The following SHC3 variants were observed in gnomAD, a reference collection of about 807,000 sequenced individuals.
The protein encoded by SHC3 is SHC-transforming protein 3.
In SHC3, 15 loss-of-function variants were observed where a neutral mutation model predicts 60.4. The observed-to-expected ratio is 0.25, with a 90% confidence interval of 0.17 to 0.38. SHC3 has a LOEUF of 0.38. Among genes scored for constraint, SHC3 ranks in the 10% least tolerant of loss-of-function variants. The pLI is 1.00. For missense variants in SHC3, 677 were observed against 786.1 expected (o/e 0.86, Z 1.66); for synonymous variants, 294 against 325.9 (o/e 0.90, Z 1.05).
At chr9:89,126,237 C>T (rs907631260) in intron 1 of SHC3, among the ~76,000 whole-genome samples, 7 of 152,140 alleles carry the variant, frequency 4.6e-5, no homozygotes, top group Admixed American at 2.6e-4. Context: ...TCTCCTAAAA[C>T]AAAGTGGGTT....
intron 4 of SHC3, among the ~76,000 whole-genome samples, chr9:89,074,370 T>C (rs943971843): frequency 4.6e-5 from 7 of 152,134 alleles, no homozygotes. Flanking sequence ...CACACCCCCC[T>C]GGATACTGCT....
At chr9:89,111,255 T>C (rs1825942910) in intron 2 of SHC3, among the ~76,000 whole-genome samples, 1 of 152,232 alleles carries the variant, frequency 6.6e-6, no homozygotes, top group Non-Finnish European at 1.5e-5. Flanking sequence ...CCCAATTGAC[T>C]GTCATTCCTT....
At chr9:89,126,003 T>C (rs886644333) in intron 1 of SHC3, among the ~76,000 whole-genome samples, 2 of 152,178 alleles carry the variant, frequency 1.3e-5, no homozygotes, top group Admixed American at 6.5e-5. Context: ...TCATATTATT[T>C]CTTGTGCGAG....
At position 89,178,298 on chromosome 9, in the gene SHC3, T is replaced by TGCGCAGCGCCTC. The variant is rs1826976790; in HGVS notation, c.151_162dup (p.Glu51_Arg54dup). On this transcript the variant is annotated inframe_insertion, in exon 1 of 12. Coordinates refer to ENST00000375835, the MANE Select transcript of SHC3 (RefSeq NM_016848.6). This position sits in a 1 kb window ranked among gnomAD's most constrained non-coding sequence, Gnocchi z 6.9. Reference sequence around the variant, plus strand: ...CTGCCGGGCCCATCGTCGGGCGCCTTGCGCAGCGCCTCGCCGGACACCAAG... The same window carrying TGCGCAGCGCCTC: ...CTGCCGGGCCCATCGTCGGGCGCCTTGCGCAGCGCCTCGCGCAGCGCCTCGCCGGACACCAAG... 8 of 1,575,978 alleles carry TGCGCAGCGCCTC rather than the reference T, an allele frequency of 5.1e-6. No homozygotes were observed. Among genetic ancestry groups the TGCGCAGCGCCTC allele is most frequent in the African/African-American group, 1.4e-5 (1 of 71,986 alleles).
At position 89,046,837 on chromosome 9, in the gene SHC3, G is replaced by T. The variant is rs374316444; in HGVS notation, c.1113+7C>A. The T allele has an allele frequency of 1.3e-6, 2 of 1,562,992 alleles. No homozygotes were observed. Among genetic ancestry groups the T allele is most frequent in the Non-Finnish European group, 1.7e-6 (2 of 1,158,830 alleles). On this transcript the variant is annotated splice_region_variant and intron_variant, in intron 8 of 11. Coordinates refer to ENST00000375835, the MANE Select transcript of SHC3 (RefSeq NM_016848.6). Reference sequence around the variant, plus strand: ...TCCTTATATAAGAAAAAAACTATAAGACTTACCTGGGCTGTGTCAGGAGCA... The same window carrying T: ...TCCTTATATAAGAAAAAAACTATAATACTTACCTGGGCTGTGTCAGGAGCA...
chr9:89,177,851 A>G, intron 1 of SHC3, 136 bp downstream of exon 1: 1 of 1,102,878 alleles, frequency 9.1e-7, no homozygotes, highest in Non-Finnish European at 1.1e-6. Flanking sequence ...CTGATTGCTA[A>G]GGAGTGCGCA....
At chr9:89,138,706 G>A (rs1826352419) in intron 1 of SHC3, among the ~76,000 whole-genome samples, 1 of 152,128 alleles carries the variant, frequency 6.6e-6, no homozygotes, top group Non-Finnish European at 1.5e-5. Flanking sequence ...AAATGTCTCT[G>A]ACATTTCCCC....
chr9:89,153,083 C>T lies in SHC3; in HGVS notation c.474+24904G>A, dbSNP rs185706476. Reference sequence around the variant, plus strand: ...TGTGATGTGTGTATAAATATGTGCTCGTTGAGCTGATTATTTAAGGTTTTG... The same window carrying T: ...TGTGATGTGTGTATAAATATGTGCTTGTTGAGCTGATTATTTAAGGTTTTG... On this transcript the variant is annotated intron_variant, in intron 1 of 11. Coordinates refer to ENST00000375835, the MANE Select transcript of SHC3 (RefSeq NM_016848.6). Among the ~76,000 whole-genome samples the T allele has an allele frequency of 3.5e-4, 53 of 152,038 alleles. No individual in the cohort carries two copies. In the East Asian group the frequency reaches 8.7e-3, roughly 25 times the overall value.
At chr9:89,124,557 A>G (rs1473563640) in intron 1 of SHC3, among the ~76,000 whole-genome samples, 2 of 152,162 alleles carry the variant, frequency 1.3e-5, no homozygotes, top group Admixed American at 6.6e-5. Context: ...TGAAGCTGGA[A>G]ACCATCATCC....
In SHC3 at chr9:89,013,575, T is replaced by C; in HGVS notation, c.1657A>G (p.Ile553Val). 1.2e-6 allele frequency: 2 copies of C among 1,610,438 alleles called. No individual in the cohort carries two copies. Among genetic ancestry groups the C allele is most frequent in the Non-Finnish European group, 1.7e-6 (2 of 1,178,766 alleles). The change falls in exon 12 of 12, where the codon ATC becomes GTC. Residue 553 changes from isoleucine (I) to valine (V), a missense_variant and splice_region_variant. Transcript: ENST00000375835. Reference sequence around the variant, plus strand: ...TCAAAGACTCTGTCCTTTGTCCGGATCTATGAATGAAGCAAAGGAAAGGTT... The same window carrying C: ...TCAAAGACTCTGTCCTTTGTCCGGACCTATGAATGAAGCAAAGGAAAGGTT... ...HLLLVDPEGTIRTKDRVFDSI... is the reference protein window; with the variant it reads ...HLLLVDPEGTVRTKDRVFDSI...
At chr9:89,136,651 A>C (rs1826324137) in intron 1 of SHC3, among the ~76,000 whole-genome samples, 1 of 152,360 alleles carries the variant, frequency 6.6e-6, no homozygotes, top group East Asian at 1.9e-4. Flanking sequence ...AGAAATGGGC[A>C]ACCAGCAGCC....
Position 89,038,069 on chromosome 9 carries a change from T to A in SHC3, c.1580A>T (p.Asn527Ile). The change falls in exon 11 of 12, where the codon AAC (asparagine) becomes ATC (isoleucine). Residue 527 changes from asparagine to isoleucine, a missense_variant. Asn to Ile is a moderately radical substitution (Grantham distance 149). Coordinates refer to ENST00000375835, the MANE Select transcript of SHC3 (RefSeq NM_016848.6). ...GDFLVRKSTT[N>I]PGSFVLTGMH... ...GCCCGTGAGGACAAAGGAGCCCGGG[T>A]TGGTGGTGCTCTTCCTGACCAGGAA... 2 of 1,613,692 alleles carry A rather than the reference T, an allele frequency of 1.2e-6. No homozygotes were observed. The highest frequency in any genetic ancestry group is 1.7e-6 in the Non-Finnish European group (2 of 1,179,922).
intron 11 of SHC3, among the ~76,000 whole-genome samples, chr9:89,015,738 G>A (rs79087482): frequency 0.034 from 5,102 of 152,284 alleles, 181 homozygotes; most frequent in African/African-American, 0.087. Flanking sequence ...GACAAACTTA[G>A]ACTCCAGACA....
At chr9:89,019,417 T>G (rs1338832718) in intron 11 of SHC3, among the ~76,000 whole-genome samples, 1 of 151,536 alleles carries the variant, frequency 6.6e-6, no homozygotes, top group Non-Finnish European at 1.5e-5. Flanking sequence ...AGTAAGACAG[T>G]AAGATAGAAA....
At chr9:89,091,425 G>A (rs1825619729) in intron 2 of SHC3, among the ~76,000 whole-genome samples, 3 of 152,186 alleles carry the variant, frequency 2.0e-5, no homozygotes, top group African/African-American at 7.2e-5. Flanking sequence ...ACACAGTGGG[G>A]AGATTTGGGC....
intron 8 of SHC3, 26 bp from the exon 9 acceptor site, chr9:89,045,859 A>G (rs761768354): frequency 1.2e-6 from 2 of 1,606,838 alleles, no homozygotes; most frequent in South Asian, 2.2e-5. Context: ...AATACACAGA[A>G]TGAAAAAATT....
chr9:89,173,991 T>C (rs1452622123), intron 1 of SHC3, among the ~76,000 whole-genome samples: 1 of 152,194 alleles, frequency 6.6e-6, no homozygotes, highest in Non-Finnish European at 1.5e-5. Flanking sequence ...TTTTTCAGTC[T>C]AGAGGTAAAA....
chr9:89,122,797 A>T (rs1826110585), intron 1 of SHC3, among the ~76,000 whole-genome samples: 1 of 152,130 alleles, frequency 6.6e-6, no homozygotes, highest in Non-Finnish European at 1.5e-5. Flanking sequence ...GTGGGGAGTC[A>T]GGTGGGGGAG....
chr9:89,145,281 G>A (rs993259104), intron 1 of SHC3, among the ~76,000 whole-genome samples: 2 of 152,234 alleles, frequency 1.3e-5, no homozygotes, highest in African/African-American at 4.8e-5. Context: ...TTAGCACAGA[G>A]AGCACTAAGA....
Sources: allele counts gnomAD v4.1 joint callset (sites outside exome capture counted in the v4.1 genomes callset), GRCh38; gene constraint gnomAD v4.1.1; non-coding constraint Gnocchi (gnomAD v3.1); transcripts MANE v1.5; gene names NCBI Gene and HGNC (gene_info 2026-07-23, HGNC 2026-07-21).